ABCA1: variants seen among roughly 807,000 people sequenced by gnomAD.
ABCA1 encodes the protein phospholipid-transporting ATPase ABCA1.
ABCA1 carries 133 observed loss-of-function variants against 262.5 expected under a neutral mutation model. That is an observed-to-expected ratio of 0.51 (90% confidence interval 0.44 to 0.59). The LOEUF is 0.59. Ranked by LOEUF, ABCA1 falls within the 20% of genes least tolerant of loss-of-function variation. ABCA1 has a pLI of 0.00. For synonymous variants in ABCA1, 1,022 were observed against 1,043.5 expected, an observed-to-expected ratio of 0.98 and a Z score of 0.40; for missense variants, 2,452 against 2,777.5, an observed-to-expected ratio of 0.88 and a Z score of 2.63.
chr9:104,819,516 CA>C, intron 22 of ABCA1, 69 bp downstream of exon 22: 1 of 1,606,024 alleles, frequency 6.2e-7, no homozygotes. Flanking sequence ...CCATGAGATA[CA>C]GCCACACTTC....
intron 7 of ABCA1, among the ~76,000 whole-genome samples, chr9:104,848,703 C>T (rs950765637): frequency 6.6e-6 from 1 of 152,134 alleles, no homozygotes. Context: ...CCTCAGGAGA[C>T]TCTTTTGAGC....
chr9:104,925,835 T>G (rs1449589415), intron 1 of ABCA1, among the ~76,000 whole-genome samples: 1 of 152,162 alleles, frequency 6.6e-6, no homozygotes, highest in East Asian at 1.9e-4. Context: ...AGGAGAAAGT[T>G]TCTCAAGAGA....
At chr9:104,887,541 T>C (rs1204563824) in intron 3 of ABCA1, among the ~76,000 whole-genome samples, 1 of 151,978 alleles carries the variant, frequency 6.6e-6, no homozygotes, top group African/African-American at 2.4e-5. Context: ...AAATCATTCG[T>C]CTAGTAGATG....
intron 7 of ABCA1, among the ~76,000 whole-genome samples, chr9:104,856,432 T>C (rs535773961): frequency 3.3e-5 from 5 of 152,206 alleles, no homozygotes; most frequent in Non-Finnish European, 7.4e-5. Context: ...TACCTGGTCA[T>C]AAACCAACGC....
At chr9:104,828,876 G>A (rs570767949) in intron 15 of ABCA1, 40 bp downstream of exon 15, 33 of 1,601,450 alleles carry the variant, frequency 2.1e-5, no homozygotes, top group Admixed American at 1.7e-4. Flanking sequence ...GAGCTATTTC[G>A]GAGTTTCCTG....
At chr9:104,897,328 T>G (rs931918257) in intron 2 of ABCA1, among the ~76,000 whole-genome samples, 3 of 152,140 alleles carry the variant, frequency 2.0e-5, no homozygotes, top group African/African-American at 7.2e-5. Flanking sequence ...TGGAAAGACA[T>G]CTGATCAGAC....
chr9:104,921,757 T>G (rs1415804432), intron 1 of ABCA1, among the ~76,000 whole-genome samples: 1 of 152,322 alleles, frequency 6.6e-6, no homozygotes, highest in East Asian at 1.9e-4. Flanking sequence ...AAGTCAGCAT[T>G]TATTAAATTT....
intron 7 of ABCA1, among the ~76,000 whole-genome samples, chr9:104,858,176 CT>C (rs575927535): frequency 0.01 from 1,485 of 146,880 alleles, 25 homozygotes; most frequent in African/African-American, 0.032. Flanking sequence ...GGTTTCAAGA[CT>C]TTTTTTTTTT....
chr9:104,846,458 G>A (rs1834895844), intron 7 of ABCA1, among the ~76,000 whole-genome samples: 2 of 152,108 alleles, frequency 1.3e-5, no homozygotes, highest in South Asian at 4.1e-4. Flanking sequence ...GAGAAGGTTG[G>A]GCTATTTTGA....
intron 5 of ABCA1, among the ~76,000 whole-genome samples, chr9:104,862,657 G>C (rs797020061): frequency 0.11 from 202 of 1,910 alleles, 28 homozygotes; most frequent in African/African-American, 0.18. Context: ...GCCGGGCCGG[G>C]CCGGGCCGGG....
chr9:104,807,674 G>A (rs1015158776), intron 30 of ABCA1, among the ~76,000 whole-genome samples: 10 of 151,790 alleles, frequency 6.6e-5, no homozygotes, highest in Admixed American at 5.2e-4. Context: ...ATTAGCCAGT[G>A]TGGTGGCACA....
chr9:104,810,767 T>G, intron 29 of ABCA1, 33 bp downstream of exon 29: 2 of 1,614,124 alleles, frequency 1.2e-6, no homozygotes, highest in Non-Finnish European at 1.7e-6. Flanking sequence ...GCTCGAATCT[T>G]ACCCCCTCCT....
chr9:104,894,278 C>T (rs564074226), intron 2 of ABCA1, among the ~76,000 whole-genome samples: 1 of 152,066 alleles, frequency 6.6e-6, no homozygotes, highest in Non-Finnish European at 1.5e-5. Flanking sequence ...TATCTAGGAT[C>T]CTGTAGGGCA....
intron 6 of ABCA1, 36 bp from the exon 7 acceptor site, chr9:104,858,734 G>C (rs746515472): frequency 3.1e-6 from 5 of 1,611,078 alleles, no homozygotes; most frequent in African/African-American, 1.3e-5. Context: ...ACAAGCACAA[G>C]AGGATTATGA....
At chr9:104,862,631 T>TGCCGG (rs1171336047) in intron 5 of ABCA1, among the ~76,000 whole-genome samples, 4 of 22,940 alleles carry the variant, frequency 1.7e-4, no homozygotes, top group African/African-American at 2.3e-4. Context: ...AAATGCAGAC[T>TGCCGG]GCCGGGCCGG....
At chr9:104,828,384 G>T (rs142709915) in intron 15 of ABCA1, among the ~76,000 whole-genome samples, 1 of 152,140 alleles carries the variant, frequency 6.6e-6, no homozygotes, top group Non-Finnish European at 1.5e-5. Flanking sequence ...AGTGCCCCAC[G>T]GGGTTGGCCC....
chr9:104,915,024 A>G (rs1841759409), intron 1 of ABCA1, among the ~76,000 whole-genome samples: 1 of 152,210 alleles, frequency 6.6e-6, no homozygotes, highest in Non-Finnish European at 1.5e-5. Flanking sequence ...TAAGATTGTC[A>G]GCACTGGTAA....
At position 104,825,723 on chromosome 9, in the gene ABCA1, G is replaced by A. The variant is rs1272248345; in HGVS notation, c.2502C>T (p.Leu834=). 6.2e-7 allele frequency: 1 copy of A among 1,614,118 alleles called. No individual in the cohort carries two copies. The highest frequency in any genetic ancestry group is 1.3e-5 in the African/African-American group (1 of 74,942). ...CAATGTACCAGGTCATCACCCCATA[G>A]AGGAAGGTGTCAAACAGCATCATGG... ...SVSMMLFDTF[L]YGVMTWYIEA... is the part of the protein sequence containing the mutation. Residue 834 remains leucine, a synonymous_variant, in exon 17 of 50, where the codon CTC becomes CTT. Transcript: ENST00000374736.
intron 7 of ABCA1, among the ~76,000 whole-genome samples, chr9:104,854,696 GACA>G (rs1835681803): frequency 2.6e-5 from 4 of 152,148 alleles, no homozygotes; most frequent in Non-Finnish European, 5.9e-5. Context: ...TGAGCAGCAA[GACA>G]AAAGAAGCCC....
Sources: allele counts gnomAD v4.1 joint callset (sites outside exome capture counted in the v4.1 genomes callset), GRCh38; gene constraint gnomAD v4.1.1; transcripts MANE v1.5; gene names NCBI Gene and HGNC (gene_info 2026-07-23, HGNC 2026-07-21).